The following SLC4A8 variants were observed in gnomAD, a reference collection of about 807,000 sequenced individuals.
The protein encoded by SLC4A8 is electroneutral sodium bicarbonate exchanger 1.
SLC4A8 carries 40 observed loss-of-function variants against 125.0 expected under a neutral mutation model. The ratio of observed to expected loss-of-function variants is 0.32; its 90% CI spans 0.25 to 0.42. The LOEUF (loss-of-function observed/expected upper bound fraction) is 0.42, where lower values mean the gene tolerates loss of function less well. SLC4A8 is among the 10% of genes least tolerant of loss of function. The pLI is 1.00. For missense variants in SLC4A8, 863 were observed against 1,355.1 expected, an observed-to-expected ratio of 0.64 and a Z score of 5.70; for synonymous variants, 456 against 476.0, an observed-to-expected ratio of 0.96 and a Z score of 0.55.
intron 1 of SLC4A8, among the ~76,000 whole-genome samples, chr12:51,398,323 G>T (rs942816384): frequency 1.3e-5 from 2 of 151,962 alleles, no homozygotes; most frequent in Non-Finnish European, 2.9e-5. Flanking sequence ...TTGTATAACC[G>T]AAGCCTCCTA....
chr12:51,437,595 T>C (rs1235935554), intron 1 of SLC4A8, among the ~76,000 whole-genome samples: 2 of 152,194 alleles, frequency 1.3e-5, no homozygotes. Context: ...CCTGACTCTC[T>C]TACCAGAAGC....
Position 51,507,695 on chromosome 12 carries a change from C to G in SLC4A8, c.*257C>G. 1 of 358,570 alleles carries G rather than the reference C, an allele frequency of 2.8e-6. No homozygotes were observed. Among genetic ancestry groups the G allele is most frequent in the Non-Finnish European group, 5.0e-6 (1 of 198,950 alleles). 22.2% of individuals were successfully genotyped at this position (358,570 alleles called of 1,614,324 possible). A position where few individuals can be genotyped will look rare whatever the true frequency, so the allele number is the denominator to read the frequency against. On this transcript the variant is annotated 3_prime_UTR_variant, in exon 25 of 25. Transcript: ENST00000453097. ...CCTCCTGTTGGTTCTTCTCCTCTTCCTTCTTTTTCTCTTTAGAACGGCCAC... is the reference window on the plus strand; with the variant it reads ...CCTCCTGTTGGTTCTTCTCCTCTTCGTTCTTTTTCTCTTTAGAACGGCCAC...
At chr12:51,427,082 G>C (rs1214903419) in intron 1 of SLC4A8, among the ~76,000 whole-genome samples, 1 of 151,882 alleles carries the variant, frequency 6.6e-6, no homozygotes, top group Non-Finnish European at 1.5e-5. Context: ...GCGACTACAG[G>C]CGCCTTCCAC....
intron 16 of SLC4A8, among the ~76,000 whole-genome samples, chr12:51,476,323 A>G (rs1380125485): frequency 6.6e-6 from 1 of 152,082 alleles, no homozygotes; most frequent in East Asian, 1.9e-4. Flanking sequence ...TCTACTAAAA[A>G]AACAAAAGTT....
chr12:51,478,236 C>G (rs1044156299), intron 16 of SLC4A8, among the ~76,000 whole-genome samples: 1 of 149,156 alleles, frequency 6.7e-6, no homozygotes, highest in African/African-American at 2.5e-5. Context: ...GATCGTGCCA[C>G]TGCACTCCAG....
At chr12:51,443,095 C>G (rs1949653555) in intron 2 of SLC4A8, among the ~76,000 whole-genome samples, 1 of 152,102 alleles carries the variant, frequency 6.6e-6, no homozygotes, top group African/African-American at 2.4e-5. Context: ...AAACAACAAC[C>G]TCTAGTCCAA....
intron 16 of SLC4A8, among the ~76,000 whole-genome samples, chr12:51,482,116 C>T (rs1006104339): frequency 6.6e-6 from 1 of 152,150 alleles, no homozygotes; most frequent in African/African-American, 2.4e-5. Flanking sequence ...TCAATAGCTA[C>T]ATGTGGCAAA....
intron 22 of SLC4A8, among the ~76,000 whole-genome samples, chr12:51,503,755 T>G (rs1328558016): frequency 6.6e-6 from 1 of 152,244 alleles, no homozygotes; most frequent in African/African-American, 2.4e-5. Flanking sequence ...TTTAAAATGT[T>G]CTTCTGTCTG....
chr12:51,486,786 C>T (rs189683559), intron 17 of SLC4A8, among the ~76,000 whole-genome samples: 117 of 152,306 alleles, frequency 7.7e-4, no homozygotes, highest in Non-Finnish European at 6.9e-4. Context: ...TTTCTCTCTA[C>T]CCATGAAGTA....
At chr12:51,410,615 G>T (rs1274954499) in intron 1 of SLC4A8, among the ~76,000 whole-genome samples, 1 of 151,888 alleles carries the variant, frequency 6.6e-6, no homozygotes, top group South Asian at 2.1e-4. Context: ...GCGCCACCAG[G>T]CCCAGCTAAT....
chr12:51,464,315 G>A (rs1565796355), intron 11 of SLC4A8, among the ~76,000 whole-genome samples: 1 of 152,192 alleles, frequency 6.6e-6, no homozygotes, highest in East Asian at 1.9e-4. Flanking sequence ...CTGTTCTGTA[G>A]CATGGAATGG....
chr12:51,484,340 T>C (rs1951108029), intron 16 of SLC4A8, among the ~76,000 whole-genome samples: 1 of 152,178 alleles, frequency 6.6e-6, no homozygotes, highest in East Asian at 1.9e-4. Context: ...ACTTAAAAGA[T>C]AGTATCTGTC....
rs542692155 is a variant in SLC4A8, at chr12:51,459,868, C to CA, written c.856-75dup. On this transcript the variant is annotated intron_variant, in intron 7 of 24. Transcript: ENST00000453097. ...TGGGTGATGTAGTGAGACTCTGTCT[C>CA]AAAAAAAAGTAAATAAAAAATTTAA... The CA allele has an allele frequency of 1.1e-3, 1,374 of 1,262,002 alleles. 3 individuals carry two copies. The highest frequency in any genetic ancestry group is 1.4e-3 in the Non-Finnish European group (1,232 of 889,938). 78.2% of individuals were successfully genotyped at this position (1,262,002 alleles called of 1,614,324 possible). A position where few individuals can be genotyped will look rare whatever the true frequency, so the allele number is the denominator to read the frequency against.
rs532735266 is a variant in SLC4A8 at position 51,424,971 on chromosome 12, C to T, written c.-17C>T. 12 of 1,551,766 alleles carry T rather than the reference C, an allele frequency of 7.7e-6. No homozygotes were observed. Among genetic ancestry groups the T allele is most frequent in the Non-Finnish European group, 9.6e-6 (11 of 1,147,752 alleles). On this transcript the variant is annotated 5_prime_UTR_variant, in exon 1 of 25. Transcript: ENST00000453097. ...CTTGGCTTGGAGCCCGTGGGGGAGA[C>T]CTAGTTCGGCTCCGCCATGCCGGCC...
At chr12:51,481,980 A>G (rs534521588) in intron 16 of SLC4A8, among the ~76,000 whole-genome samples, 1 of 152,194 alleles carries the variant, frequency 6.6e-6, no homozygotes, top group South Asian at 2.1e-4. Flanking sequence ...AAAAAAACAA[A>G]GTTCTCTACT....
chr12:51,400,448 C>T (rs1948350084), intron 1 of SLC4A8, among the ~76,000 whole-genome samples: 1 of 151,632 alleles, frequency 6.6e-6, no homozygotes, highest in Non-Finnish European at 1.5e-5. Context: ...GGACCCACTG[C>T]CAGGCAGGGA....
In SLC4A8 at chr12:51,495,053, T is replaced by C. The variant is rs1565820572; in HGVS notation, c.2878T>C (p.Leu960=). ...RKVHLFTLIQ[L]TCLVLLWVIK... ...AGTGCACCTCTTCACCCTCATCCAG[T>C]TGACCTGTCTCGTCCTGCTCTGGGT... The change falls in exon 21 of 25, where the codon TTG becomes CTG. Residue 960 remains leucine, a synonymous_variant. Coordinates refer to ENST00000453097, the MANE Select transcript of SLC4A8 (RefSeq NM_001039960.3). The C allele has an allele frequency of 1.1e-5, 17 of 1,614,216 alleles. No homozygotes were observed. In the East Asian group the frequency reaches 1.3e-4, roughly 13 times the overall value.
chr12:51,481,916 C>T (rs7961653), intron 16 of SLC4A8, among the ~76,000 whole-genome samples: 140,725 of 152,184 alleles, frequency 0.92, 65,125 homozygotes, highest in Non-Finnish European at 0.95. Context: ...ATGATGTTAC[C>T]GCACTCCAGC....
In SLC4A8 at chr12:51,480,890, C is replaced by T. The variant is rs371896168; in HGVS notation, c.2173-4897C>T. Among the ~76,000 whole-genome samples, 76 of 152,316 alleles carry T rather than the reference C, an allele frequency of 5.0e-4. 1 individual carries two copies. The South Asian group carries it at 0.016, about 32-fold the overall frequency. On this transcript the variant is annotated intron_variant, in intron 16 of 24. Coordinates refer to ENST00000453097, the MANE Select transcript of SLC4A8 (RefSeq NM_001039960.3). ...CAACGGGAATAGCCTGAGCTTCTTG[C>T]TCCCTGTATAATTTATTCACTTTAC...
Sources: gnomAD v4.1 joint callset for allele counts (sites outside exome capture counted in the v4.1 genomes callset) on GRCh38, gnomAD v4.1.1 for gene constraint, MANE v1.5 for transcripts, NCBI Gene and HGNC (gene_info 2026-07-23, HGNC 2026-07-21) for gene names.